HMBOX1: variants seen among roughly 807,000 people sequenced by gnomAD.
HMBOX1 encodes homeobox-containing protein 1.
HMBOX1 carries 14 observed loss-of-function variants against 54.5 expected under a neutral mutation model. The observed-to-expected ratio is 0.26, with a 90% CI of 0.17 to 0.40. HMBOX1 has a LOEUF of 0.40. Among genes scored for constraint, HMBOX1 ranks in the 10% least tolerant of loss-of-function variants. The pLI is 1.00. For missense variants in HMBOX1, 332 were observed against 514.4 expected, an observed-to-expected ratio of 0.65 and a Z score of 3.43; for synonymous variants, 160 against 181.0, an observed-to-expected ratio of 0.88 and a Z score of 0.93.
chr8:28,970,727 C>T lies in HMBOX1; in HGVS notation c.500+208C>T, dbSNP rs1827244436. ...AATTTAAATTTTCTCTTCTTTACTT[C>T]AGCCCTTTCTCTTTGCTGCTTGACA... On this transcript the variant is annotated intron_variant, in intron 3 of 9. Coordinates refer to ENST00000287701, the MANE Select transcript of HMBOX1 (RefSeq NM_001135726.3). This position sits in a 1 kb window ranked among gnomAD's most constrained non-coding sequence, Gnocchi z 4.3. 1 of 463,464 alleles carries T rather than the reference C, an allele frequency of 2.2e-6. No homozygotes were observed. Among genetic ancestry groups the T allele is most frequent in the Non-Finnish European group, 3.8e-6 (1 of 264,578 alleles). 28.7% of individuals were successfully genotyped at this position (463,464 alleles called of 1,614,324 possible).
At chr8:29,027,964 C>T (rs1442857283) in intron 6 of HMBOX1, among the ~76,000 whole-genome samples, 1 of 152,006 alleles carries the variant, frequency 6.6e-6, no homozygotes, top group South Asian at 2.1e-4. Flanking sequence ...AAATTCTGTC[C>T]ATGGTCATCT....
chr8:29,014,271 A>T (rs79863349), intron 5 of HMBOX1, among the ~76,000 whole-genome samples: 1 of 61,742 alleles, frequency 1.6e-5, no homozygotes, highest in Non-Finnish European at 3.6e-5. Flanking sequence ...AGATGGGGGG[A>T]AAAAAGATTT....
At chr8:28,943,374 T>G (rs938587454) in intron 1 of HMBOX1, among the ~76,000 whole-genome samples, 20 of 152,124 alleles carry the variant, frequency 1.3e-4, no homozygotes, top group African/African-American at 4.8e-4. Flanking sequence ...GCAAAGGGAT[T>G]TGGGCTAGAG....
chr8:29,010,229 C>T (rs1241003493), intron 5 of HMBOX1: 5 of 694,000 alleles, frequency 7.2e-6, no homozygotes, highest in African/African-American at 1.9e-5. Context: ...AAGACTAACA[C>T]AGTAGACACC....
intron 8 of HMBOX1, 37 bp from the exon 9 acceptor site, chr8:29,048,917 A>C: frequency 7.2e-7 from 1 of 1,388,798 alleles, no homozygotes; most frequent in East Asian, 2.3e-5. Context: ...GTGATAAGGT[A>C]ACAGATAATT....
chr8:28,932,351 A>T (rs1819619910), intron 1 of HMBOX1, among the ~76,000 whole-genome samples: 1 of 152,202 alleles, frequency 6.6e-6, no homozygotes. Context: ...TATTTGAGTT[A>T]TGGTTGAAGG....
intron 4 of HMBOX1, among the ~76,000 whole-genome samples, chr8:29,006,185 G>A (rs779161032): frequency 6.6e-6 from 1 of 151,732 alleles, no homozygotes; most frequent in Non-Finnish European, 1.5e-5. Flanking sequence ...TAGAGATGGG[G>A]TTTTACCATA....
chr8:28,963,002 G>A (rs2132271580), intron 1 of HMBOX1, among the ~76,000 whole-genome samples: 1 of 152,154 alleles, frequency 6.6e-6, no homozygotes, highest in East Asian at 1.9e-4. Flanking sequence ...AATTTGAGCA[G>A]GTAGTGAAAA....
intron 6 of HMBOX1, among the ~76,000 whole-genome samples, chr8:29,041,450 T>C (rs963604492): frequency 2.0e-5 from 3 of 152,142 alleles, no homozygotes; most frequent in Non-Finnish European, 4.4e-5. Context: ...GTCAACACTA[T>C]CATTAGTGGG....
intron 3 of HMBOX1, among the ~76,000 whole-genome samples, chr8:28,971,519 G>A (rs1013205402): frequency 6.6e-6 from 1 of 152,194 alleles, no homozygotes; most frequent in Non-Finnish European, 1.5e-5. Flanking sequence ...CCTAGCACAT[G>A]TTAAGGGCCT....
intron 1 of HMBOX1, among the ~76,000 whole-genome samples, chr8:28,931,249 G>A (rs1819423284): frequency 1.3e-5 from 2 of 152,104 alleles, no homozygotes; most frequent in South Asian, 4.1e-4. Context: ...AAGTTATATA[G>A]TGACAGTTTA....
chr8:28,937,415 G>C (rs1563424260), intron 1 of HMBOX1, among the ~76,000 whole-genome samples: 1 of 152,056 alleles, frequency 6.6e-6, no homozygotes, highest in Admixed American at 6.5e-5. Context: ...CAATTCCTTG[G>C]ATCAGTTTCT....
chr8:28,987,759 G>C (rs1273380131), intron 4 of HMBOX1, among the ~76,000 whole-genome samples: 1 of 152,032 alleles, frequency 6.6e-6, no homozygotes, highest in African/African-American at 2.4e-5. Context: ...TACAGCTGAG[G>C]GCCTTGATAC....
chr8:29,007,308 A>T (rs1457395518), intron 4 of HMBOX1, among the ~76,000 whole-genome samples: 4 of 152,118 alleles, frequency 2.6e-5, no homozygotes, highest in African/African-American at 9.7e-5. Context: ...ACAAAGAAAA[A>T]AAAAAGTAGT....
rs764766598 is a variant in HMBOX1, at chr8:29,018,903, G to A, written c.841G>A (p.Val281Ile). 10 of 1,613,978 alleles carry A rather than the reference G, an allele frequency of 6.2e-6. No homozygotes were observed. Among genetic ancestry groups the A allele is most frequent in the Non-Finnish European group, 7.6e-6 (9 of 1,179,978 alleles). The change falls in exon 6 of 10, where the codon GTT (valine) becomes ATT (isoleucine). Residue 281 changes from valine (V) to isoleucine (I), a missense_variant. Val to Ile is a conservative substitution (Grantham distance 29). This residue lies in a region of HMBOX1 where 117 missense variants were observed against 220.0 expected (regional missense o/e 0.53). Transcript: ENST00000287701. ...RFTWRKECLA[V>I]MESYFNENQY... is the part of the protein sequence containing the mutation. ...TACCTGGAGAAAGGAGTGCCTGGCT[G>A]TTATGGAAAGGTATGTGTCTCCTTT...
chr8:28,915,160 C>G lies in HMBOX1; in HGVS notation c.-58+24482C>G, dbSNP rs576519554. Among the ~76,000 whole-genome samples, 10 of 152,244 alleles carry G rather than the reference C, an allele frequency of 6.6e-5. No individual in the cohort carries two copies. The East Asian group carries it at 1.4e-3, about 21-fold the overall frequency. Reference sequence around the variant, plus strand: ...GCATTCTCAACTTCCTAGAGCAACTCTATCCAATAGGAATATAATGCCTAT... The same window carrying G: ...GCATTCTCAACTTCCTAGAGCAACTGTATCCAATAGGAATATAATGCCTAT... On this transcript the variant is annotated intron_variant, in intron 1 of 9. Transcript: ENST00000287701.
chr8:29,047,312 G>A (rs1192988312), intron 7 of HMBOX1, 46 bp from the exon 8 acceptor site: 1 of 1,114,784 alleles, frequency 9.0e-7, no homozygotes. Flanking sequence ...GTTTATTCTT[G>A]GATCCCAGAT....
chr8:28,912,360 C>T (rs1815615566), intron 1 of HMBOX1, among the ~76,000 whole-genome samples: 1 of 152,064 alleles, frequency 6.6e-6, no homozygotes, highest in Non-Finnish European at 1.5e-5. Flanking sequence ...CGAGTGTTTC[C>T]CATCTTAAAA....
chr8:28,939,897 T>A (rs576223677), intron 1 of HMBOX1, among the ~76,000 whole-genome samples: 1 of 152,300 alleles, frequency 6.6e-6, no homozygotes, highest in Non-Finnish European at 1.5e-5. Context: ...GGCTGCTTTT[T>A]AAAAAATCTC....
Sources: allele counts gnomAD v4.1 joint callset (sites outside exome capture counted in the v4.1 genomes callset), GRCh38; gene constraint gnomAD v4.1.1; regional missense constraint gnomAD v4.1.1; non-coding constraint Gnocchi (gnomAD v3.1); transcripts MANE v1.5; gene names NCBI Gene and HGNC (gene_info 2026-07-23, HGNC 2026-07-21).